The following ANKFN1 variants were observed in gnomAD, a reference collection of about 807,000 sequenced individuals.
ANKFN1 encodes the protein ankyrin repeat and fibronectin type III domain containing 1, also known as ankyrin repeat and fibronectin type-III domain-containing protein 1.
A neutral mutation model predicts 108.7 loss-of-function variants in ANKFN1; 74 were observed. That is an observed-to-expected ratio of 0.68 (90% CI 0.56 to 0.83). The LOEUF (loss-of-function observed/expected upper bound fraction) is 0.83. ANKFN1 is among the 40% of genes least tolerant of loss of function. ANKFN1 has a pLI of 0.00. For synonymous variants in ANKFN1, 547 were observed against 516.2 expected (o/e 1.06, Z -0.81); for missense variants, 1,505 against 1,382.3 (o/e 1.09, Z -1.41).
chr17:56,303,786 G>A (rs2144385474), intron 3 of ANKFN1, among the ~76,000 whole-genome samples: 1 of 151,728 alleles, frequency 6.6e-6, no homozygotes, highest in Middle Eastern at 3.5e-3. Context: ...CCGGGTTCAA[G>A]TGATTCTCCT....
At chr17:56,301,619 CCCATTTAGCTGGATTTA>C (rs1194153298) in intron 3 of ANKFN1, among the ~76,000 whole-genome samples, 1 of 152,042 alleles carries the variant, frequency 6.6e-6, no homozygotes, top group East Asian at 1.9e-4. Context: ...TACACCTAGC[CCCATTTAGCTGGATTTA>C]CTGAATGATG....
chr17:56,197,091 G>C (rs914626337), intron 1 of ANKFN1, among the ~76,000 whole-genome samples: 1 of 152,142 alleles, frequency 6.6e-6, no homozygotes. Context: ...ACATGTAGAG[G>C]CTGCAATCTC....
Position 56,059,079 on chromosome 17 carries a change from C to A in ANKFN1, c.288+12754C>A, listed in dbSNP as rs550310705. 6.6e-5 allele frequency among the ~76,000 whole-genome samples: 10 copies of A among 152,338 alleles called. No homozygotes were observed. The East Asian group carries it at 1.7e-3, about 26-fold the overall frequency. ...GTGTAACAGGGTTCCTATTTCCCCA[C>A]AGCCTCACCAGCATCTATTGGTTCT... On this transcript the variant is annotated intron_variant, in intron 4 of 12. Coordinates refer to the ANKFN1 transcript ENST00000635860.
At chr17:56,277,668 A>G (rs1420516388) in intron 3 of ANKFN1, among the ~76,000 whole-genome samples, 1 of 152,202 alleles carries the variant, frequency 6.6e-6, no homozygotes, top group African/African-American at 2.4e-5. Context: ...GGCTAACTCC[A>G]TATTAGCCAT....
chr17:56,494,548 G>A (rs1025536219), intron 19 of ANKFN1, among the ~76,000 whole-genome samples: 3 of 152,028 alleles, frequency 2.0e-5, no homozygotes, highest in South Asian at 2.1e-4. Context: ...GCAACACAGT[G>A]AGACTCCATC....
chr17:56,250,553 C>T (rs190659254), intron 3 of ANKFN1, among the ~76,000 whole-genome samples: 8 of 152,296 alleles, frequency 5.3e-5, no homozygotes, highest in African/African-American at 7.2e-5. Context: ...TTTCTGCACA[C>T]AGAGTATTTT....
At chr17:56,491,794 C>T (rs543954989) in intron 18 of ANKFN1, among the ~76,000 whole-genome samples, 3 of 152,144 alleles carry the variant, frequency 2.0e-5, no homozygotes, top group African/African-American at 7.2e-5. Context: ...GACATGAAAA[C>T]CAAAACTAGG....
intron 8 of ANKFN1, among the ~76,000 whole-genome samples, chr17:56,385,301 C>A (rs1245485853): frequency 6.6e-6 from 1 of 152,156 alleles, no homozygotes; most frequent in Non-Finnish European, 1.5e-5. Context: ...CTTCCTTACA[C>A]CTTATATAAA....
At chr17:56,495,976 G>C (rs1331932609) in intron 19 of ANKFN1, among the ~76,000 whole-genome samples, 3 of 152,082 alleles carry the variant, frequency 2.0e-5, no homozygotes. Context: ...AACAGACCTA[G>C]GGAATTCATG....
At chr17:56,393,758 T>C (rs192653381) in intron 8 of ANKFN1, among the ~76,000 whole-genome samples, 1 of 152,300 alleles carries the variant, frequency 6.6e-6, no homozygotes, top group Admixed American at 6.5e-5. Flanking sequence ...CATTCACTCA[T>C]TCATTCACCC....
Position 56,476,106 on chromosome 17 carries a change from A to G in ANKFN1, c.1774-1382A>G, listed in dbSNP as rs559546857. Among the ~76,000 whole-genome samples, 135 of 152,268 alleles carry G rather than the reference A, an allele frequency of 8.9e-4. 2 individuals carry two copies. Among genetic ancestry groups the G allele is most frequent in the African/African-American group, 2.9e-3 (120 of 41,552 alleles). On this transcript the variant is annotated intron_variant, in intron 15 of 20. Transcript: ENST00000682825. The stretch of plus-strand genomic sequence containing the variant: ...CTTGTGAGAACTCACTATCATGAGA[A>G]CAGCAAGGAGGAAATCCACACCCAT...
At position 56,510,989 on chromosome 17, in the gene ANKFN1, C is replaced by T. The variant is rs2051739805; in HGVS notation, c.3161C>T (p.Ala1054Val). ...LAQEPKEAKR[A>V]GPALDDPRGL... ...CAGGAGCCCAAGGAGGCCAAGCGGG[C>T]CGGCCCTGCCCTTGATGATCCCAGG... is the stretch of plus-strand genomic sequence containing the variant. The change falls in exon 21 of 21, where the codon GCC (alanine) becomes GTC (valine). Residue 1054 changes from alanine to valine, a missense_variant. Transcript: ENST00000682825. 1 of 1,535,958 alleles carries T rather than the reference C, an allele frequency of 6.5e-7. No homozygotes were observed. The highest frequency in any genetic ancestry group is 2.0e-5 in the Admixed American group (1 of 51,002).
chr17:56,405,158 G>A lies in ANKFN1; in HGVS notation c.910+30444G>A, dbSNP rs569687906. 5.3e-5 allele frequency among the ~76,000 whole-genome samples: 8 copies of A among 152,298 alleles called. No individual in the cohort carries two copies. The East Asian group carries it at 1.4e-3, about 26-fold the overall frequency. On this transcript the variant is annotated intron_variant, in intron 8 of 20. Coordinates refer to ENST00000682825, the MANE Select transcript of ANKFN1 (RefSeq NM_001370326.1). The stretch of plus-strand genomic sequence containing the variant: ...CTGGTTGGCCTCCGGCCGGGAGGTG[G>A]CCCTTTCCAGAGACCATCAGTAGTA...
intron 1 of ANKFN1, among the ~76,000 whole-genome samples, chr17:56,192,037 G>A (rs28878280): frequency 0.31 from 47,343 of 151,714 alleles, 8,940 homozygotes; most frequent in East Asian, 0.51. Flanking sequence ...TCTTCACGTA[G>A]TTCTCGAGCC....
chr17:56,338,001 C>T (rs1340951394), intron 4 of ANKFN1, among the ~76,000 whole-genome samples: 1 of 152,046 alleles, frequency 6.6e-6, no homozygotes, highest in Non-Finnish European at 1.5e-5. Context: ...GGCACGTGCA[C>T]ACGTATGCTT....
chr17:56,060,458 C>T (rs1403318806), intron 4 of ANKFN1, among the ~76,000 whole-genome samples: 1 of 152,152 alleles, frequency 6.6e-6, no homozygotes, highest in East Asian at 1.9e-4. Flanking sequence ...CCAGAACTTC[C>T]AATACTATGT....
intron 4 of ANKFN1, among the ~76,000 whole-genome samples, chr17:56,088,587 T>G (rs888049721): frequency 5.3e-5 from 8 of 151,016 alleles, no homozygotes; most frequent in African/African-American, 1.9e-4. Context: ...GCATAGGCCC[T>G]GTCTCCAGCC....
At chr17:56,394,715 C>T (rs2047529871) in intron 8 of ANKFN1, among the ~76,000 whole-genome samples, 1 of 152,300 alleles carries the variant, frequency 6.6e-6, no homozygotes, top group East Asian at 1.9e-4. Flanking sequence ...CACATGCAGA[C>T]TCAAGCAGAG....
intron 18 of ANKFN1, among the ~76,000 whole-genome samples, chr17:56,491,677 G>A (rs975767910): frequency 6.6e-6 from 1 of 152,128 alleles, no homozygotes; most frequent in Non-Finnish European, 1.5e-5. Context: ...ATAGGCCCTT[G>A]GGGAAGTTTT....
Sources: allele counts gnomAD v4.1 joint callset (sites outside exome capture counted in the v4.1 genomes callset), GRCh38; gene constraint gnomAD v4.1.1; transcripts MANE v1.5; gene names NCBI Gene and HGNC (gene_info 2026-07-23, HGNC 2026-07-21).